PDZRN4: variants seen among roughly 807,000 people sequenced by gnomAD.
PDZRN4 encodes PDZ domain containing ring finger 4.
PDZRN4 carries 70 observed loss-of-function variants against 99.0 expected under a neutral mutation model. That is an observed-to-expected ratio of 0.71 (90% CI 0.58 to 0.86). PDZRN4 has a LOEUF of 0.86. PDZRN4 is among the 40% of genes least tolerant of loss of function. PDZRN4 has a pLI of 0.00. For synonymous variants in PDZRN4, 551 were observed against 501.6 expected, an observed-to-expected ratio of 1.10 and a Z score of -1.32; for missense variants, 1,474 against 1,331.2, an observed-to-expected ratio of 1.11 and a Z score of -1.67.
rs74078838 is a variant in PDZRN4 at position 41,434,004 on chromosome 12, C to T, written c.844-72452C>T. On this transcript the variant is annotated intron_variant, in intron 3 of 9. Transcript: ENST00000402685. ...GGCCATGATGAAACTTTCTGGTGTC[C>T]CTTCCTAAAGAGTAACCACCATCCT... Among the ~76,000 whole-genome samples, 596 of 152,164 alleles carry T rather than the reference C, an allele frequency of 3.9e-3. 2 individuals are homozygous for T. The highest frequency in any genetic ancestry group is 0.014 in the African/African-American group (579 of 41,492).
At chr12:41,530,376 G>T (rs368817197) in intron 5 of PDZRN4, among the ~76,000 whole-genome samples, 1 of 152,144 alleles carries the variant, frequency 6.6e-6, no homozygotes, top group Non-Finnish European at 1.5e-5. Context: ...ATTGAATACA[G>T]TATGGTTCTT....
At chr12:41,496,876 T>A (rs1288359661) in intron 3 of PDZRN4, among the ~76,000 whole-genome samples, 1 of 152,170 alleles carries the variant, frequency 6.6e-6, no homozygotes, top group Non-Finnish European at 1.5e-5. Flanking sequence ...CAGTTTCTTA[T>A]CATTCAGTGC....
chr12:41,492,952 G>T (rs1255605643), intron 3 of PDZRN4, among the ~76,000 whole-genome samples: 2 of 152,090 alleles, frequency 1.3e-5, no homozygotes, highest in Non-Finnish European at 2.9e-5. Context: ...TATACATTCT[G>T]TTTTACAGAA....
intron 3 of PDZRN4, among the ~76,000 whole-genome samples, chr12:41,330,878 C>A (rs981058594): frequency 6.6e-6 from 1 of 151,998 alleles, no homozygotes; most frequent in African/African-American, 2.4e-5. Flanking sequence ...GAAATCACCC[C>A]AGAAATATTT....
chr12:41,362,986 A>G (rs1329956892), intron 3 of PDZRN4, among the ~76,000 whole-genome samples: 2 of 152,092 alleles, frequency 1.3e-5, no homozygotes, highest in Non-Finnish European at 2.9e-5. Flanking sequence ...TTCCAGAGAA[A>G]AGTACACAAG....
chr12:41,395,001 A>G (rs1249230136), intron 3 of PDZRN4, among the ~76,000 whole-genome samples: 1 of 152,182 alleles, frequency 6.6e-6, no homozygotes, highest in Non-Finnish European at 1.5e-5. Context: ...AAAAGTATGA[A>G]ATAATTTTTT....
Position 41,189,033 on chromosome 12 carries a change from A to G in PDZRN4, c.578A>G (p.Gln193Arg), listed in dbSNP as rs1950716775. ...GTGCAGCTCACGGCGCGCAGGTACC[A>G]GGAGAAGTTCACCCAATACATGGCT... ...GEVQLTARRY[Q>R]EKFTQYMAHV... is the part of the protein sequence containing the mutation. Residue 193 changes from glutamine (Q) to arginine (R), a missense_variant, in exon 1 of 10, where the codon CAG (glutamine) becomes CGG (arginine). Coordinates refer to ENST00000402685, the MANE Select transcript of PDZRN4 (RefSeq NM_001164595.2). 7 of 1,570,744 alleles carry G rather than the reference A, an allele frequency of 4.5e-6. No individual in the cohort carries two copies. In the South Asian group the frequency reaches 4.6e-5, roughly 10 times the overall value.
At chr12:41,344,835 ATTAG>A (rs201265011) in intron 3 of PDZRN4, among the ~76,000 whole-genome samples, 5,728 of 150,502 alleles carry the variant, frequency 0.038, 158 homozygotes, top group Non-Finnish European at 0.057. Flanking sequence ...TTAAAATAAA[ATTAG>A]TTAGCATAAA....
At chr12:41,253,431 C>T (rs1343442782) in intron 3 of PDZRN4, among the ~76,000 whole-genome samples, 2 of 152,042 alleles carry the variant, frequency 1.3e-5, no homozygotes, top group Non-Finnish European at 2.9e-5. Flanking sequence ...AGACTCAAAA[C>T]CAAATACAGA....
intron 7 of PDZRN4, among the ~76,000 whole-genome samples, chr12:41,558,744 T>A (rs571228363): frequency 1.3e-5 from 2 of 152,324 alleles, no homozygotes; most frequent in African/African-American, 4.8e-5. Flanking sequence ...GACAAATATG[T>A]CACACTTAAT....
chr12:41,552,395 G>A (rs145418288), intron 5 of PDZRN4, among the ~76,000 whole-genome samples: 199 of 152,096 alleles, frequency 1.3e-3, no homozygotes, highest in African/African-American at 4.6e-3. Flanking sequence ...TTTTTAAGGA[G>A]TTTTGCATTG....
chr12:41,446,446 A>C (rs568300849), intron 3 of PDZRN4, among the ~76,000 whole-genome samples: 1 of 152,098 alleles, frequency 6.6e-6, no homozygotes, highest in South Asian at 2.1e-4. Flanking sequence ...AAAAATAATA[A>C]ATCTGCAGAT....
chr12:41,267,250 A>G (rs1951284030), intron 3 of PDZRN4, among the ~76,000 whole-genome samples: 1 of 152,206 alleles, frequency 6.6e-6, no homozygotes, highest in South Asian at 2.1e-4. Flanking sequence ...TACTTGGCAC[A>G]CATAGTGTAT....
At chr12:41,391,628 C>T (rs1468352779) in intron 3 of PDZRN4, among the ~76,000 whole-genome samples, 1 of 152,116 alleles carries the variant, frequency 6.6e-6, no homozygotes, top group East Asian at 1.9e-4. Flanking sequence ...CACTTCTAAC[C>T]GACCAATTTC....
intron 3 of PDZRN4, among the ~76,000 whole-genome samples, chr12:41,241,423 C>A (rs4767999): frequency 0.56 from 85,474 of 152,086 alleles, 24,943 homozygotes; most frequent in Middle Eastern, 0.68. Flanking sequence ...TAAAGTCAAA[C>A]TGACTTAAAA....
intron 5 of PDZRN4, among the ~76,000 whole-genome samples, chr12:41,528,428 T>C (rs577137003): frequency 1.3e-5 from 2 of 152,320 alleles, no homozygotes; most frequent in African/African-American, 4.8e-5. Flanking sequence ...TGTGGTTATT[T>C]ATGTATATGA....
intron 3 of PDZRN4, among the ~76,000 whole-genome samples, chr12:41,252,339 T>C (rs955946763): frequency 6.6e-6 from 1 of 152,066 alleles, no homozygotes; most frequent in Admixed American, 6.6e-5. Context: ...GTTCATACAA[T>C]GAAGTACTAC....
intron 3 of PDZRN4, among the ~76,000 whole-genome samples, chr12:41,277,574 T>G (rs1951357304): frequency 6.6e-6 from 1 of 152,198 alleles, no homozygotes; most frequent in Admixed American, 6.5e-5. Context: ...TGGTGATAGC[T>G]CACCTGGTCC....
chr12:41,409,404 A>T (rs1952375903), intron 3 of PDZRN4: 1 of 152,152 alleles, frequency 6.6e-6, no homozygotes, highest in African/African-American at 2.4e-5. Context: ...TTGGGGAAAA[A>T]GATAAGTAGA....
Sources: gnomAD v4.1 joint callset for allele counts (sites outside exome capture counted in the v4.1 genomes callset) on GRCh38, gnomAD v4.1.1 for gene constraint, MANE v1.5 for transcripts, NCBI Gene and HGNC (gene_info 2026-07-23, HGNC 2026-07-21) for gene names.